Variants in PHACTR3 observed in about 807,000 individuals in gnomAD.
PHACTR3 encodes phosphatase and actin regulator 3, also known as protein phosphatase 1, regulatory subunit 123.
PHACTR3 carries 16 observed loss-of-function variants against 66.8 expected under a neutral mutation model. The observed-to-expected ratio is 0.24, with a 90% CI of 0.16 to 0.36. The LOEUF (loss-of-function observed/expected upper bound fraction) is 0.36. Among genes scored for constraint, PHACTR3 ranks in the 10% least tolerant of loss-of-function variants. The probability of loss-of-function intolerance (pLI) is 1.00; values close to 1 mark genes in which losing one functional copy is unlikely to be tolerated. For missense variants in PHACTR3, 647 were observed against 719.9 expected (o/e 0.90, Z 1.16); for synonymous variants, 323 against 292.1 (o/e 1.11, Z -1.08).
chr20:59,641,099 T>C (rs565804802), intron 1 of PHACTR3, among the ~76,000 whole-genome samples: 1 of 152,300 alleles, frequency 6.6e-6, no homozygotes, highest in South Asian at 2.1e-4. Context: ...ATCAATAGGA[T>C]ATAGAGATTT....
intron 1 of PHACTR3, among the ~76,000 whole-genome samples, chr20:59,704,378 A>G (rs968014083): frequency 2.0e-5 from 3 of 152,114 alleles, no homozygotes; most frequent in East Asian, 1.9e-4. Context: ...TTGCTCCTAT[A>G]CTTAAGAAGG....
At chr20:59,775,211 T>A (rs2040494705) in intron 7 of PHACTR3, among the ~76,000 whole-genome samples, 1 of 152,098 alleles carries the variant, frequency 6.6e-6, no homozygotes, top group South Asian at 2.1e-4. Context: ...TGAGGGGGTT[T>A]CCCTCCCAGC....
At chr20:59,585,090 C>T (rs1324167004) in intron 1 of PHACTR3, among the ~76,000 whole-genome samples, 12 of 152,226 alleles carry the variant, frequency 7.9e-5, no homozygotes, top group African/African-American at 2.2e-4. Context: ...CCTTTCCACT[C>T]GGGCTTTTGC....
intron 1 of PHACTR3, among the ~76,000 whole-genome samples, chr20:59,715,062 T>G (rs1232245209): frequency 6.6e-6 from 1 of 152,228 alleles, no homozygotes; most frequent in Admixed American, 6.5e-5. Flanking sequence ...TAAGATTATT[T>G]TGGATTTTCT....
chr20:59,605,337 G>T (rs182897169), intron 1 of PHACTR3, among the ~76,000 whole-genome samples: 1 of 152,330 alleles, frequency 6.6e-6, no homozygotes, highest in Non-Finnish European at 1.5e-5. Context: ...TGATTTCCTG[G>T]GTAGAGCCGG....
chr20:59,676,257 G>T (rs999701537), intron 1 of PHACTR3, among the ~76,000 whole-genome samples: 2 of 152,206 alleles, frequency 1.3e-5, no homozygotes, highest in Non-Finnish European at 2.9e-5. Flanking sequence ...TCTGTATATG[G>T]GATTCAGGAC....
intron 1 of PHACTR3, among the ~76,000 whole-genome samples, chr20:59,673,974 T>TG (rs1486214403): frequency 6.6e-6 from 1 of 152,078 alleles, no homozygotes; most frequent in African/African-American, 2.4e-5. Flanking sequence ...CCCCGAAGCT[T>TG]GGGAAGGCCA....
chr20:59,847,373 A>G lies in PHACTR3; in HGVS notation c.*243A>G, dbSNP rs1285125414. 2.4e-5 allele frequency: 9 copies of G among 377,860 alleles called. No homozygotes were observed. The highest frequency in any genetic ancestry group is 1.6e-4 in the Admixed American group (4 of 25,490). The allele number at this position is 377,860 out of a possible 1,614,324, so 23.4% of individuals were successfully genotyped here. A position where few individuals can be genotyped will look rare whatever the true frequency, so the allele number is the denominator to read the frequency against. ...AACTGTTGGGGTCAGTTAAGACCCA[A>G]CATAACTCTATCAGAAGAAAACTGT... On this transcript the variant is annotated 3_prime_UTR_variant, in exon 13 of 13. Transcript: ENST00000371015.
At chr20:59,670,615 G>GGA (rs2036164495) in intron 1 of PHACTR3, among the ~76,000 whole-genome samples, 1 of 129,042 alleles carries the variant, frequency 7.7e-6, no homozygotes, top group African/African-American at 2.7e-5. Context: ...TGGGGGGGGG[G>GGA]GGCAGGCACT....
intron 8 of PHACTR3, among the ~76,000 whole-genome samples, chr20:59,833,570 C>CG (rs1302035698): frequency 5.9e-5 from 9 of 152,132 alleles, no homozygotes; most frequent in African/African-American, 1.9e-4. Context: ...AAGCCTTGTT[C>CG]GGGGGCCATG....
At chr20:59,735,355 A>G (rs1388336807) in intron 1 of PHACTR3, among the ~76,000 whole-genome samples, 2 of 152,172 alleles carry the variant, frequency 1.3e-5, no homozygotes, top group Non-Finnish European at 2.9e-5. Flanking sequence ...GAGTGAATGA[A>G]TAAAACAAAC....
intron 1 of PHACTR3, chr20:59,577,669 G>A (rs1241426113): frequency 4.2e-5 from 48 of 1,134,936 alleles, no homozygotes; most frequent in Middle Eastern, 3.5e-4. Flanking sequence ...CGGGGTGCCC[G>A]CCGGGCACGA....
chr20:59,812,953 A>G (rs1437456908), intron 8 of PHACTR3, among the ~76,000 whole-genome samples: 3 of 152,154 alleles, frequency 2.0e-5, no homozygotes, highest in Non-Finnish European at 4.4e-5. Flanking sequence ...TGTGGGCTCC[A>G]GGGCCCTCGC....
chr20:59,790,367 A>G (rs2041053374), intron 7 of PHACTR3, among the ~76,000 whole-genome samples: 1 of 152,224 alleles, frequency 6.6e-6, no homozygotes, highest in South Asian at 2.1e-4. Flanking sequence ...GAAATAGCCA[A>G]AAGAGCTCCT....
At chr20:59,697,113 G>A (rs1568722135) in intron 1 of PHACTR3, among the ~76,000 whole-genome samples, 1 of 152,160 alleles carries the variant, frequency 6.6e-6, no homozygotes, top group Non-Finnish European at 1.5e-5. Flanking sequence ...GACTCTATGA[G>A]GTAAGGACTG....
chr20:59,584,150 C>T (rs6128635), intron 1 of PHACTR3, among the ~76,000 whole-genome samples: 76,440 of 152,132 alleles, frequency 0.5, 19,576 homozygotes, highest in Admixed American at 0.59. Flanking sequence ...GCCTCAGTGC[C>T]TCAGTGCCTT....
chr20:59,733,656 G>A (rs989180536), intron 1 of PHACTR3, among the ~76,000 whole-genome samples: 1 of 152,186 alleles, frequency 6.6e-6, no homozygotes, highest in African/African-American at 2.4e-5. Flanking sequence ...TTTTACAGCA[G>A]ATGACCTGAG....
At chr20:59,623,168 A>G (rs2034321849) in intron 1 of PHACTR3, among the ~76,000 whole-genome samples, 1 of 151,884 alleles carries the variant, frequency 6.6e-6, no homozygotes, top group Non-Finnish European at 1.5e-5. Context: ...TTAAAACTGG[A>G]AAAGTAGAAC....
intron 1 of PHACTR3, among the ~76,000 whole-genome samples, chr20:59,690,363 A>G (rs1458858316): frequency 6.6e-6 from 1 of 152,168 alleles, no homozygotes; most frequent in Non-Finnish European, 1.5e-5. Flanking sequence ...ATCCTGTCTG[A>G]TGCCCTTTGG....
Sources: gnomAD v4.1 joint callset for allele counts (sites outside exome capture counted in the v4.1 genomes callset) on GRCh38, gnomAD v4.1.1 for gene constraint, MANE v1.5 for transcripts, NCBI Gene and HGNC (gene_info 2026-07-23, HGNC 2026-07-21) for gene names.